The following HIBCH variants were observed in gnomAD, a reference collection of about 807,000 sequenced individuals.
HIBCH encodes the protein 3-hydroxyisobutyryl-CoA hydrolase, mitochondrial.
Under a neutral mutation model 58.2 loss-of-function variants are expected in HIBCH, and 50 were observed. That is an observed-to-expected ratio of 0.86 (90% CI 0.68 to 1.09). The LOEUF (loss-of-function observed/expected upper bound fraction) is 1.09, where lower values mean the gene tolerates loss of function less well. HIBCH is among the 50% of genes least tolerant of loss of function. HIBCH has a pLI of 0.00. For synonymous variants in HIBCH, 151 were observed against 146.9 expected, an observed-to-expected ratio of 1.03 and a Z score of -0.20; for missense variants, 450 against 449.7, an observed-to-expected ratio of 1.00 and a Z score of -0.01.
At chr2:190,231,204 C>CA (rs1292179232) in intron 11 of HIBCH, among the ~76,000 whole-genome samples, 3 of 152,034 alleles carry the variant, frequency 2.0e-5, no homozygotes, top group Non-Finnish European at 2.9e-5. Context: ...ACACTACGCA[C>CA]AAAAAATTAA....
chr2:190,226,544 G>A (rs6434382), intron 11 of HIBCH, among the ~76,000 whole-genome samples: 32,498 of 142,676 alleles, frequency 0.23, 3,685 homozygotes, highest in Middle Eastern at 0.35. Flanking sequence ...GCAGTGAGCC[G>A]AGATTGTGCC....
At chr2:190,199,990 G>T (rs1278941312), downstream of HIBCH, 3 of 1,613,984 alleles carry the variant, frequency 1.9e-6, no homozygotes, top group Admixed American at 1.7e-5. Flanking sequence ...TCCAGTTAAT[G>T]TCAAAGAGGA....
chr2:190,211,744 T>C lies in HIBCH; in HGVS notation c.1011+1212A>G, dbSNP rs1690515754. Among the ~76,000 whole-genome samples the C allele has an allele frequency of 6.6e-6, 1 of 152,214 alleles. No individual in the cohort carries two copies. The highest frequency in any genetic ancestry group is 1.5e-5 in the Non-Finnish European group (1 of 68,032). On this transcript the variant is annotated intron_variant, in intron 12 of 13. Transcript: ENST00000359678. The surrounding 1 kb of genome is among the most constrained non-coding windows in gnomAD (Gnocchi z 5.0). ...CAATTTATAATTATTTTACTTATTTTGTTTACTTGTTCTTTGTAGTCTCAG... is the reference window on the plus strand; with the variant it reads ...CAATTTATAATTATTTTACTTATTTCGTTTACTTGTTCTTTGTAGTCTCAG...
chr2:190,291,995 T>C (rs1687970411), intron 4 of HIBCH, among the ~76,000 whole-genome samples: 1 of 151,448 alleles, frequency 6.6e-6, no homozygotes, highest in Non-Finnish European at 1.5e-5. Flanking sequence ...GTTTTTTGTT[T>C]GTTTTGAGAC....
chr2:190,270,187 G>A (rs1160187822), intron 6 of HIBCH, among the ~76,000 whole-genome samples: 2 of 151,166 alleles, frequency 1.3e-5, no homozygotes, highest in East Asian at 1.9e-4. Flanking sequence ...ATACCTGCAC[G>A]TTCTGCACAT....
Position 190,214,517 on chromosome 2 carries a change from T to C in HIBCH, c.892-1442A>G, listed in dbSNP as rs929646850. 3.3e-5 allele frequency: 5 copies of C among 152,234 alleles called. No individual in the cohort carries two copies. The highest frequency in any genetic ancestry group is 7.2e-5 in the African/African-American group (3 of 41,444). 9.4% of individuals were successfully genotyped at this position (152,234 alleles called of 1,614,324 possible). On this transcript the variant is annotated intron_variant, in intron 11 of 13. Coordinates refer to ENST00000359678, the MANE Select transcript of HIBCH (RefSeq NM_014362.4). This position sits in a 1 kb window ranked among gnomAD's most constrained non-coding sequence, Gnocchi z 5.5. Reference sequence around the variant, plus strand: ...AGGAAAAGCAAAAGATGATAGAGTATTGCTGTTTTATCTGGCCCAAAAAGC... The same window carrying C: ...AGGAAAAGCAAAAGATGATAGAGTACTGCTGTTTTATCTGGCCCAAAAAGC...
chr2:190,198,701 T>C (rs1690096875), intron 1 of HIBCH, among the ~76,000 whole-genome samples: 2 of 143,534 alleles, frequency 1.4e-5, no homozygotes, highest in South Asian at 2.2e-4. Flanking sequence ...GCTATGTTTT[T>C]AGTCCCAAAA....
Position 190,246,142 on chromosome 2 carries a change from CT to C in HIBCH, c.809+11del, listed in dbSNP as rs983307872. 6.7e-7 allele frequency: 1 copy of C among 1,488,162 alleles called. No individual in the cohort carries two copies. The highest frequency in any genetic ancestry group is 9.4e-7 in the Non-Finnish European group (1 of 1,066,562). The allele number at this position is 1,488,162 out of a possible 1,614,324, so 92.2% of individuals were successfully genotyped here. ...CTAAAGGAATATATAACTGAGATCT[CT>C]TTTTAGGTACCTGTTTATTTTGTCC... On this transcript the variant is annotated intron_variant, in intron 10 of 13. Transcript: ENST00000359678.
intron 7 of HIBCH, among the ~76,000 whole-genome samples, chr2:190,257,855 G>A (rs1686973662): frequency 6.6e-6 from 1 of 152,130 alleles, no homozygotes; most frequent in Non-Finnish European, 1.5e-5. Context: ...GAGCCCCCAT[G>A]AACCACTCAC....
chr2:190,273,694 C>A (rs1463036264), intron 6 of HIBCH, among the ~76,000 whole-genome samples: 2 of 45,028 alleles, frequency 4.4e-5, no homozygotes, highest in Non-Finnish European at 1.2e-4. Flanking sequence ...TTCATATCTT[C>A]CAGTTTTTTT....
In HIBCH at chr2:190,210,773, G is replaced by A. The variant is rs901367645; in HGVS notation, c.1012-1860C>T. ...AGTCATGCTCCAGCCTCACAGCTTT[G>A]TTCTTGCAGTTCCCACTGCCTGGGA... is the stretch of plus-strand genomic sequence containing the variant. On this transcript the variant is annotated intron_variant, in intron 12 of 13. Transcript: ENST00000359678. This position sits in a 1 kb window ranked among gnomAD's most constrained non-coding sequence, Gnocchi z 5.5. Among the ~76,000 whole-genome samples, 6 of 152,022 alleles carry A rather than the reference G, an allele frequency of 3.9e-5. No homozygotes were observed. Among genetic ancestry groups the A allele is most frequent in the African/African-American group, 1.4e-4 (6 of 41,382 alleles).
chr2:190,224,830 A>G (rs1345752031), intron 11 of HIBCH, among the ~76,000 whole-genome samples: 1 of 152,232 alleles, frequency 6.6e-6, no homozygotes, highest in African/African-American at 2.4e-5. Context: ...AACAGAATAT[A>G]CATTCTTCTC....
chr2:190,232,452 C>G (rs914579717), intron 11 of HIBCH, among the ~76,000 whole-genome samples: 5 of 152,150 alleles, frequency 3.3e-5, no homozygotes, highest in African/African-American at 1.2e-4. Flanking sequence ...TGCCAAGTCT[C>G]TAATGCACTT....
At position 190,212,994 on chromosome 2, in the gene HIBCH, C is replaced by A. The variant is rs950936624; in HGVS notation, c.973G>T (p.Val325Leu). ...MEGSSKTLQE[V>L]LTMEYRLSQA... Reference sequence around the variant, plus strand: ...CTTAGCCGATACTCCATAGTTAGTACTTCTTGCAAGGTCTTTGAAGACCCC... The same window carrying A: ...CTTAGCCGATACTCCATAGTTAGTAATTCTTGCAAGGTCTTTGAAGACCCC... The change falls in exon 12 of 14, where the codon GTA becomes TTA. Residue 325 changes from valine (V) to leucine (L), a missense_variant. Val to Leu is a conservative substitution (Grantham distance 32). Transcript: ENST00000359678. The A allele has an allele frequency of 1.2e-6, 2 of 1,611,950 alleles. No individual in the cohort carries two copies. The highest frequency in any genetic ancestry group is 1.7e-6 in the Non-Finnish European group (2 of 1,178,590).
intron 1 of HIBCH, chr2:190,311,043 G>A: frequency 1.5e-6 from 1 of 657,816 alleles, no homozygotes; most frequent in Non-Finnish European, 2.8e-6. Flanking sequence ...GTTCTTCAAT[G>A]GTTGGAAGAC....
rs1686765828 is a variant in HIBCH, at chr2:190,251,454, T to G, written c.663+708A>C. ...AAACCAGGTGAAGCAAAATACATCC[T>G]AAGTCTCTTGCTGGGAATTCTGAGG... On this transcript the variant is annotated intron_variant, in intron 8 of 13. Transcript: ENST00000359678. 9 of 398,968 alleles carry G rather than the reference T, an allele frequency of 2.3e-5. No individual in the cohort carries two copies. The Admixed American group carries it at 2.7e-4, about 12-fold the overall frequency. The allele number at this position is 398,968 out of a possible 1,614,324, so 24.7% of individuals were successfully genotyped here.
rs1179264338 is a variant in HIBCH, at chr2:190,318,814, T to TA, written c.35+901dup. On this transcript the variant is annotated intron_variant, in intron 1 of 13. Transcript: ENST00000359678. ...GCAAGGACAACTAATTTTAAGGTAT[T>TA]AAAAAAACAAACAGAAAAGCAACTC... 2.0e-5 allele frequency among the ~76,000 whole-genome samples: 3 copies of TA among 152,200 alleles called. No homozygotes were observed. In the East Asian group the frequency reaches 5.8e-4, roughly 29 times the overall value.
In HIBCH at chr2:190,303,240, C is replaced by T. The variant is rs138624783; in HGVS notation, c.79-6287G>A. On this transcript the variant is annotated intron_variant, in intron 2 of 13. Coordinates refer to ENST00000359678, the MANE Select transcript of HIBCH (RefSeq NM_014362.4). The stretch of plus-strand genomic sequence containing the variant: ...CATTCTATTACAGATACATACATTA[C>T]CCTAGCTCTATCCTCTGAGAGAAAG... Among the ~76,000 whole-genome samples, 245 of 152,162 alleles carry T rather than the reference C, an allele frequency of 1.6e-3. 3 individuals carry two copies. The highest frequency in any genetic ancestry group is 6.6e-3 in the South Asian group (32 of 4,818).
intron 2 of HIBCH, among the ~76,000 whole-genome samples, chr2:190,309,097 TC>T (rs1688488756): frequency 6.6e-6 from 1 of 152,212 alleles, no homozygotes; most frequent in Non-Finnish European, 1.5e-5. Flanking sequence ...GAAGTCTAGG[TC>T]CTTGTAATAC....
Sources: allele counts gnomAD v4.1 joint callset (sites outside exome capture counted in the v4.1 genomes callset), GRCh38; gene constraint gnomAD v4.1.1; non-coding constraint Gnocchi (gnomAD v3.1); transcripts MANE v1.5; gene names NCBI Gene and HGNC (gene_info 2026-07-23, HGNC 2026-07-21).